The following CGNL1 variants were observed in gnomAD, a reference collection of about 807,000 sequenced individuals.
The protein encoded by CGNL1 is cingulin-like protein 1.
CGNL1 carries 132 observed loss-of-function variants against 141.2 expected under a neutral mutation model. The observed-to-expected ratio is 0.93, with a 90% CI of 0.81 to 1.08. The LOEUF (loss-of-function observed/expected upper bound fraction) is 1.08. Ranked by LOEUF, CGNL1 falls within the 50% of genes least tolerant of loss-of-function variation. The pLI is 0.00. For synonymous variants in CGNL1, 690 were observed against 622.1 expected, an observed-to-expected ratio of 1.11 and a Z score of -1.63; for missense variants, 1,870 against 1,588.6, an observed-to-expected ratio of 1.18 and a Z score of -3.01.
At chr15:57,413,825 C>T (rs1272247573) in intron 1 of CGNL1, among the ~76,000 whole-genome samples, 1 of 152,152 alleles carries the variant, frequency 6.6e-6, no homozygotes. Flanking sequence ...CGCTTGGCTG[C>T]CACAGGGCAA....
intron 13 of CGNL1, among the ~76,000 whole-genome samples, chr15:57,529,734 C>G (rs1461620549): frequency 6.6e-6 from 1 of 152,106 alleles, no homozygotes; most frequent in Non-Finnish European, 1.5e-5. Flanking sequence ...AGACAGTGCT[C>G]AAGGCCATGG....
At chr15:57,510,669 AC>A (rs2030206572) in intron 8 of CGNL1, among the ~76,000 whole-genome samples, 1 of 152,164 alleles carries the variant, frequency 6.6e-6, no homozygotes, top group African/African-American at 2.4e-5. Flanking sequence ...TAATGGAAAA[AC>A]CCAAGCCTTG....
At chr15:57,494,540 G>T (rs757005250) in intron 8 of CGNL1, among the ~76,000 whole-genome samples, 9 of 152,156 alleles carry the variant, frequency 5.9e-5, no homozygotes, top group Admixed American at 5.9e-4. Flanking sequence ...ATTAAAAATA[G>T]AAGTAGAAAA....
Position 57,528,767 on chromosome 15 carries a change from C to G in CGNL1, c.3153C>G (p.Ala1051=), listed in dbSNP as rs147359990. The G allele has an allele frequency of 1.2e-6, 2 of 1,613,998 alleles. No homozygotes were observed. The highest frequency in any genetic ancestry group is 2.2e-5 in the South Asian group (2 of 91,078). Reference sequence around the variant, plus strand: ...AGGACCTGGAGTATGAGCTGGAAGCCAAGAGTCACCTCAAAGATGACCGCA... The same window carrying G: ...AGGACCTGGAGTATGAGCTGGAAGCGAAGAGTCACCTCAAAGATGACCGCA... ...TLKDLEYELE[A]KSHLKDDRSR... The change falls in exon 13 of 19, where the codon GCC becomes GCG. Residue 1051 remains alanine, a synonymous_variant. Coordinates refer to ENST00000281282, the MANE Select transcript of CGNL1 (RefSeq NM_032866.5).
At chr15:57,516,320 C>A (rs1202384514) in intron 8 of CGNL1, among the ~76,000 whole-genome samples, 1 of 152,150 alleles carries the variant, frequency 6.6e-6, no homozygotes, top group Non-Finnish European at 1.5e-5. Context: ...GTTACTTAAA[C>A]TATCCAAGTG....
intron 5 of CGNL1, among the ~76,000 whole-genome samples, chr15:57,451,923 G>T (rs1419829943): frequency 6.6e-6 from 1 of 152,164 alleles, no homozygotes; most frequent in Admixed American, 6.5e-5. Context: ...AGGTTTGGCT[G>T]TGTTTGTGTT....
intron 7 of CGNL1, among the ~76,000 whole-genome samples, chr15:57,461,474 A>G (rs2063445072): frequency 6.6e-6 from 1 of 152,208 alleles, no homozygotes; most frequent in African/African-American, 2.4e-5. Context: ...AAGCAGAGGC[A>G]GAGGAATCCA....
intron 8 of CGNL1, among the ~76,000 whole-genome samples, chr15:57,475,856 C>A (rs1430116887): frequency 6.6e-6 from 1 of 152,134 alleles, no homozygotes; most frequent in Non-Finnish European, 1.5e-5. Flanking sequence ...GAGCTATGGT[C>A]TCCGCCATTT....
intron 1 of CGNL1, among the ~76,000 whole-genome samples, chr15:57,406,511 C>A (rs1377741787): frequency 1.3e-5 from 2 of 152,066 alleles, no homozygotes; most frequent in African/African-American, 4.8e-5. Flanking sequence ...CAGCTAGGAG[C>A]CTAGTGAAGT....
chr15:57,520,005 C>A (rs746244364), intron 10 of CGNL1, among the ~76,000 whole-genome samples: 5 of 152,180 alleles, frequency 3.3e-5, no homozygotes, highest in Admixed American at 6.5e-5. Context: ...CCCCACCCAC[C>A]CCCATCTGTG....
intron 1 of CGNL1, among the ~76,000 whole-genome samples, chr15:57,427,601 C>A (rs1567110034): frequency 1.3e-5 from 2 of 152,220 alleles, no homozygotes; most frequent in East Asian, 3.8e-4. Context: ...GCTAATTTTC[C>A]CTGATTGGAT....
intron 8 of CGNL1, among the ~76,000 whole-genome samples, chr15:57,462,329 C>T (rs1009748012): frequency 1.3e-5 from 2 of 152,128 alleles, no homozygotes; most frequent in Admixed American, 1.3e-4. Context: ...TTTTGTGTAG[C>T]CTTTTGTTGG....
chr15:57,379,989 A>G (rs1459724235), intron 1 of CGNL1, among the ~76,000 whole-genome samples: 1 of 152,048 alleles, frequency 6.6e-6, no homozygotes, highest in African/African-American at 2.4e-5. Flanking sequence ...CCTCAAGCCA[A>G]TATCCTTGGG....
At chr15:57,386,756 G>C (rs1453378485) in intron 1 of CGNL1, among the ~76,000 whole-genome samples, 2 of 152,192 alleles carry the variant, frequency 1.3e-5, no homozygotes, top group African/African-American at 2.4e-5. Context: ...ACTGGTCCTT[G>C]TGAGGTGTGC....
chr15:57,503,509 C>T (rs2064056715), intron 8 of CGNL1, among the ~76,000 whole-genome samples: 1 of 152,108 alleles, frequency 6.6e-6, no homozygotes, highest in African/African-American at 2.4e-5. Flanking sequence ...ACTGGGCCCC[C>T]TTGTGTGTGG....
chr15:57,545,938 T>A, intron 17 of CGNL1, 138 bp from the exon 18 acceptor site: 1 of 994,726 alleles, frequency 1.0e-6, no homozygotes, highest in Non-Finnish European at 1.5e-6. Flanking sequence ...GTGCCTGCTC[T>A]CCATGTTTCC....
chr15:57,517,948 A>C (rs1156304710), intron 9 of CGNL1, among the ~76,000 whole-genome samples: 1 of 151,644 alleles, frequency 6.6e-6, no homozygotes, highest in African/African-American at 2.4e-5. Flanking sequence ...GGGTCCATTC[A>C]ATACCTACTG....
intron 15 of CGNL1, 140 bp from the exon 16 acceptor site, chr15:57,544,333 T>C: frequency 2.0e-6 from 2 of 989,684 alleles, no homozygotes; most frequent in African/African-American, 3.2e-5. Flanking sequence ...TCCCCAGGTC[T>C]CCAGGCCACA....
At chr15:57,388,022 G>C (rs1269257476) in intron 1 of CGNL1, among the ~76,000 whole-genome samples, 1 of 152,250 alleles carries the variant, frequency 6.6e-6, no homozygotes, top group South Asian at 2.1e-4. Flanking sequence ...TCCTTGGAGA[G>C]AGACTGGACT....
Sources: gnomAD v4.1 joint callset for allele counts (sites outside exome capture counted in the v4.1 genomes callset) on GRCh38, gnomAD v4.1.1 for gene constraint, MANE v1.5 for transcripts, NCBI Gene and HGNC (gene_info 2026-07-23, HGNC 2026-07-21) for gene names.